Variants in MX1 observed in about 807,000 individuals in gnomAD.
MX1 encodes the protein interferon-induced GTP-binding protein Mx1.
In MX1, 66 loss-of-function variants were observed where a neutral mutation model predicts 66.4. The observed-to-expected ratio is 0.99, with a 90% confidence interval of 0.82 to 1.22. The LOEUF is 1.22. Among genes scored for constraint, MX1 ranks in the 50% most tolerant of loss-of-function variants. MX1 has a pLI of 0.00. For missense variants in MX1, 787 were observed against 834.3 expected, an observed-to-expected ratio of 0.94 and a Z score of 0.70; for synonymous variants, 311 against 318.1, an observed-to-expected ratio of 0.98 and a Z score of 0.24.
At chr21:41,425,376 CCTT>C, upstream of MX1, among the ~76,000 whole-genome samples, 1 of 152,246 alleles carries the variant, frequency 6.6e-6, no homozygotes, top group South Asian at 2.1e-4. Context: ...TTACAAATAA[CCTT>C]CTTAAGGGTG....
At chr21:41,452,111 T>C (rs1310295539) in intron 15 of MX1, among the ~76,000 whole-genome samples, 2 of 152,104 alleles carry the variant, frequency 1.3e-5, no homozygotes, top group Non-Finnish European at 2.9e-5. Context: ...AGTAAGATGT[T>C]TAGGATGCAC....
Position 41,441,986 on chromosome 21 carries a change from G to A in MX1, c.929+72G>A. 6.7e-7 allele frequency: 1 copy of A among 1,492,100 alleles called. No homozygotes were observed. Among genetic ancestry groups the A allele is most frequent in the Admixed American group, 1.7e-5 (1 of 59,494 alleles). The allele number at this position is 1,492,100 out of a possible 1,614,324, so 92.4% of individuals were successfully genotyped here. A position where few individuals can be genotyped will look rare whatever the true frequency, so the allele number is the denominator to read the frequency against. ...TCAGGCCTTCCAGGGGACAGTGGCA[G>A]CCGTCCCACAGATGTGTGGAGTGTG... On this transcript the variant is annotated intron_variant, in intron 10 of 16. Transcript: ENST00000398598. The surrounding 1 kb of genome is among the most constrained non-coding windows in gnomAD (Gnocchi z 4.0).
intron 13 of MX1, among the ~76,000 whole-genome samples, chr21:41,448,448 GGTACAATTTCTTTGGTAAAACTAA>G (rs2090726398): frequency 1.3e-5 from 2 of 152,132 alleles, no homozygotes; most frequent in African/African-American, 4.8e-5. Context: ...AGTGTATTAT[GGTACAATTTCTTTGGTAAAACTAA>G]AATTGGATTC....
chr21:41,458,824 G>A lies in MX1; in HGVS notation c.*66G>A. 1 of 1,552,082 alleles carries A rather than the reference G, an allele frequency of 6.4e-7. No individual in the cohort carries two copies. The highest frequency in any genetic ancestry group is 8.7e-7 in the Non-Finnish European group (1 of 1,152,076). ...CTGCCCCCGTTCCCGGGTAGCCACTGGACTGACGACTTGAGTGCTCAGTAG... is the reference window on the plus strand; with the variant it reads ...CTGCCCCCGTTCCCGGGTAGCCACTAGACTGACGACTTGAGTGCTCAGTAG... On this transcript the variant is annotated 3_prime_UTR_variant, in exon 17 of 17. Transcript: ENST00000398598.
chr21:41,422,263 C>T (rs1297379431), upstream of MX1, among the ~76,000 whole-genome samples: 4 of 152,224 alleles, frequency 2.6e-5, no homozygotes, highest in African/African-American at 4.8e-5. Context: ...TACACTCCCA[C>T]CAGCGCATGA....
chr21:41,428,842 C>T (rs1453900211), intron 3 of MX1: 1 of 152,204 alleles, frequency 6.6e-6, no homozygotes, highest in Non-Finnish European at 1.5e-5. Context: ...CATTTTGAGA[C>T]ATTAGGGTCA....
rs564526945 is a variant in MX1 at position 41,454,605 on chromosome 21, C to T, written c.1758+1736C>T. Among the ~76,000 whole-genome samples the T allele has an allele frequency of 4.1e-4, 62 of 152,290 alleles. No individual in the cohort carries two copies. The East Asian group carries it at 4.2e-3, about 10-fold the overall frequency. On this transcript the variant is annotated intron_variant, in intron 16 of 16. Coordinates refer to ENST00000398598, the MANE Select transcript of MX1 (RefSeq NM_002462.5). ...TGGTAGCAGACTAAATGGAAGCTAT[C>T]GCGTAGACACATGCTTTGGTTGATA... is the stretch of plus-strand genomic sequence containing the variant.
upstream of MX1, among the ~76,000 whole-genome samples, chr21:41,423,588 T>A (rs150444386): frequency 0.025 from 3,873 of 152,310 alleles, 170 homozygotes; most frequent in South Asian, 0.18. Context: ...AAGGTGGATG[T>A]GGTCACCTTC....
At chr21:41,451,850 AAC>A (rs377714524) in intron 15 of MX1, among the ~76,000 whole-genome samples, 1 of 69,700 alleles carries the variant, frequency 1.4e-5, no homozygotes, top group African/African-American at 9.6e-5. Context: ...AAAAAAAAAA[AAC>A]AAACAAAAAA....
chr21:41,452,774 A>G lies in MX1; in HGVS notation c.1663A>G (p.Lys555Glu). ...VREKELEEEK[K>E]KKSWDFGAFQ... Reference sequence around the variant, plus strand: ...AGAGAAGGAGCTGGAAGAAGAAAAGAAGAAGAAATCCTGGGATTTTGGGGC... The same window carrying G: ...AGAGAAGGAGCTGGAAGAAGAAAAGGAGAAGAAATCCTGGGATTTTGGGGC... The change falls in exon 16 of 17, where the codon AAG (lysine) becomes GAG (glutamate). Residue 555 changes from lysine to glutamate, a missense_variant. Coordinates refer to ENST00000398598, the MANE Select transcript of MX1 (RefSeq NM_002462.5). 1.9e-6 allele frequency: 3 copies of G among 1,614,186 alleles called. No homozygotes were observed. The highest frequency in any genetic ancestry group is 2.5e-6 in the Non-Finnish European group (3 of 1,180,052).
At chr21:41,449,633 C>G (rs1288787456) in intron 14 of MX1, 3 of 195,902 alleles carry the variant, frequency 1.5e-5, no homozygotes, top group African/African-American at 7.0e-5. Flanking sequence ...ACCAAGAACT[C>G]TGGAACACAC....
chr21:41,456,059 T>C (rs1481611301), intron 16 of MX1, among the ~76,000 whole-genome samples: 1 of 152,142 alleles, frequency 6.6e-6, no homozygotes, highest in Non-Finnish European at 1.5e-5. Context: ...CTGGCCAACA[T>C]GGCGAAACCC....
intron 8 of MX1, 51 bp downstream of exon 8, chr21:41,439,899 G>C (rs1281424359): frequency 2.7e-6 from 4 of 1,474,454 alleles, no homozygotes; most frequent in Non-Finnish European, 3.7e-6. Flanking sequence ...GGATGGGGGA[G>C]TGGAGGGGTG....
intron 16 of MX1, among the ~76,000 whole-genome samples, chr21:41,454,682 G>C (rs551295446): frequency 6.6e-6 from 1 of 152,164 alleles, no homozygotes; most frequent in Non-Finnish European, 1.5e-5. Context: ...TAGGGAAGGA[G>C]GCAGTGAACA....
At chr21:41,433,521 A>G (rs1407871410) in intron 5 of MX1, among the ~76,000 whole-genome samples, 1 of 152,258 alleles carries the variant, frequency 6.6e-6, no homozygotes, top group Non-Finnish European at 1.5e-5. Flanking sequence ...GGCTGCATCA[A>G]ATGAACAACG....
Position 41,441,871 on chromosome 21 carries a change from C to T in MX1, c.886C>T (p.Leu296=). 6.2e-7 allele frequency: 1 copy of T among 1,614,142 alleles called. No individual in the cohort carries two copies. The highest frequency in any genetic ancestry group is 2.2e-5 in the East Asian group (1 of 44,886). ...GGACCAGCTGAGCCTGTCCGAAGCC[C>T]TGCAGAGAGAGAAGATCTTCTTTGA... ...IQDQLSLSEA[L]QREKIFFENH... Residue 296 remains leucine (L), a synonymous_variant, in exon 10 of 17, where the codon CTG becomes TTG. Coordinates refer to ENST00000398598, the MANE Select transcript of MX1 (RefSeq NM_002462.5). The surrounding 1 kb of genome is among the most constrained non-coding windows in gnomAD (Gnocchi z 4.0).
Position 41,458,864 on chromosome 21 carries a change from C to G in MX1, c.*106C>G, listed in dbSNP as rs1176107682. 2.7e-6 allele frequency: 4 copies of G among 1,473,268 alleles called. No homozygotes were observed. In the Admixed American group the frequency reaches 9.2e-5, roughly 34 times the overall value. The allele number at this position is 1,473,268 out of a possible 1,614,324, so 91.3% of individuals were successfully genotyped here. A position where few individuals can be genotyped will look rare whatever the true frequency, so the allele number is the denominator to read the frequency against. ...GTGCTCAGTAGTCAGACTGGATAGT[C>G]CGTCTCTGCTTATCCGTTAGCCGTG... On this transcript the variant is annotated 3_prime_UTR_variant, in exon 17 of 17. Transcript: ENST00000398598.
At chr21:41,445,418 T>A in intron 11 of MX1, 30 bp from the exon 12 acceptor site, 1 of 1,612,890 alleles carries the variant, frequency 6.2e-7, no homozygotes, top group African/African-American at 1.3e-5. Flanking sequence ...TCTTTACACA[T>A]TTCCATTATT....
chr21:41,449,980 C>T (rs1297326417), intron 14 of MX1, among the ~76,000 whole-genome samples: 2 of 152,130 alleles, frequency 1.3e-5, no homozygotes, highest in Non-Finnish European at 2.9e-5. Context: ...TAGGGGCCCA[C>T]CAGGCATCAT....
Sources: allele counts gnomAD v4.1 joint callset (sites outside exome capture counted in the v4.1 genomes callset), GRCh38; gene constraint gnomAD v4.1.1; non-coding constraint Gnocchi (gnomAD v3.1); transcripts MANE v1.5; gene names NCBI Gene and HGNC (gene_info 2026-07-23, HGNC 2026-07-21).